Variants in KRT38 observed in about 807,000 individuals in gnomAD.
KRT38 encodes keratin, type I cuticular Ha8.
KRT38 carries 45 observed loss-of-function variants against 43.1 expected under a neutral mutation model. The observed-to-expected ratio is 1.04, with a 90% confidence interval of 0.82 to 1.34. The LOEUF is 1.34. Among genes scored for constraint, KRT38 ranks in the 40% most tolerant of loss-of-function variants. KRT38 has a pLI of 0.00. For missense variants in KRT38, 627 were observed against 586.2 expected (o/e 1.07, Z -0.72); for synonymous variants, 258 against 244.0 (o/e 1.06, Z -0.53).
rs541782513 is a variant in KRT38, at chr17:41,440,494, T to C, written c.428A>G (p.His143Arg). Residue 143 changes from histidine (H) to arginine (R), a missense_variant, in exon 1 of 7, where the codon CAC becomes CGC. Coordinates refer to ENST00000246646, the MANE Select transcript of KRT38 (RefSeq NM_006771.4). ...EATLLERSKC[H>R]ESTVCPDYQS... ...GTAGTCGGGGCACACGGTGGACTCG[T>C]GGCACTTGCTCCTCTCGAGGAGTGT... 4.5e-5 allele frequency: 73 copies of C among 1,614,224 alleles called. No homozygotes were observed. In the East Asian group the frequency reaches 6.9e-4, roughly 15 times the overall value.
Position 41,437,210 on chromosome 17 carries a change from A to T in KRT38, c.*202T>A, listed in dbSNP as rs73309237. The T allele has an allele frequency of 0.036, 16,744 of 463,636 alleles. 538 individuals carry two copies. The highest frequency in any genetic ancestry group is 0.12 in the African/African-American group (5,875 of 49,798). 28.7% of individuals were successfully genotyped at this position (463,636 alleles called of 1,614,324 possible). A position where few individuals can be genotyped will look rare whatever the true frequency, so the allele number is the denominator to read the frequency against. ...CACCATGGGTGGCTGCAATCCAGCC[A>T]CTGAGGGCATAGAGCTCACCTGGGA... On this transcript the variant is annotated 3_prime_UTR_variant, in exon 7 of 7. Transcript: ENST00000246646.
In KRT38 at chr17:41,438,139, T is replaced by A. The variant is rs367765612; in HGVS notation, c.1195A>T (p.Asn399Tyr). The change falls in exon 6 of 7, where the codon AAT becomes TAT. Residue 399 changes from asparagine (N) to tyrosine (Y), a missense_variant. Physicochemically the swap from Asn to Tyr is moderately radical, Grantham distance 143. Coordinates refer to ENST00000246646, the MANE Select transcript of KRT38 (RefSeq NM_006771.4). The stretch of plus-strand genomic sequence containing the variant: ...AGGTTCCGGTACGTGGCAATCTCAT[T>A]CTCCAGCCGGGTCTTCACGTCCAGC... ...VLLDVKTRLE[N>Y]EIATYRNLLE... 3.1e-6 allele frequency: 5 copies of A among 1,613,992 alleles called. No homozygotes were observed. In the African/African-American group the frequency reaches 4.0e-5, roughly 13 times the overall value.
chr17:41,440,684 G>A lies in KRT38; in HGVS notation c.238C>T (p.Pro80Ser), dbSNP rs1302844114. 1 of 1,614,220 alleles carries A rather than the reference G, an allele frequency of 6.2e-7. No individual in the cohort carries two copies. Among genetic ancestry groups the A allele is most frequent in the Admixed American group, 1.7e-5 (1 of 60,024 alleles). ...PPTCHTACPL[P>S]GTCHIPGNIG... ...TTGCCAGGAATGTGGCAGGTCCCTGGCAAGGGACAAGCAGTGTGGCAGGTA... is the reference window on the plus strand; with the variant it reads ...TTGCCAGGAATGTGGCAGGTCCCTGACAAGGGACAAGCAGTGTGGCAGGTA... The change falls in exon 1 of 7, where the codon CCA becomes TCA. Residue 80 changes from proline (P) to serine (S), a missense_variant. Pro to Ser is a moderately conservative substitution (Grantham distance 74). Coordinates refer to ENST00000246646, the MANE Select transcript of KRT38 (RefSeq NM_006771.4).
Position 41,440,164 on chromosome 17 carries a change from A to T in KRT38, c.572T>A (p.Ile191Asn). The T allele has an allele frequency of 6.2e-7, 1 of 1,613,940 alleles. No homozygotes were observed. ...GGCCCTCCTCCGCCTGACTTACTTG[A>T]TCCTAAAGTCATCGGCAGCCAGCTT... ...NAKLAADDFR[I>N]KLESERSLRQ... Residue 191 changes from isoleucine to asparagine, a missense_variant, in exon 2 of 7, where the codon ATC becomes AAC. Physicochemically the swap from Ile to Asn is moderately radical, Grantham distance 149. Coordinates refer to ENST00000246646, the MANE Select transcript of KRT38 (RefSeq NM_006771.4).
rs368251918 is a variant in KRT38 at position 41,438,170 on chromosome 17, C to G, written c.1164G>C (p.Gln388His). The G allele has an allele frequency of 6.2e-7, 1 of 1,614,080 alleles. No homozygotes were observed. Among genetic ancestry groups the G allele is most frequent in the African/African-American group, 1.3e-5 (1 of 74,926 alleles). Residue 388 changes from glutamine (Q) to histidine (H), a missense_variant, in exon 6 of 7, where the codon CAG (glutamine) becomes CAC (histidine). Gln to His is a conservative substitution (Grantham distance 24, BLOSUM62 0). Transcript: ENST00000246646. ...ADLERQNQEY[Q>H]VLLDVKTRLE... The stretch of plus-strand genomic sequence containing the variant: ...GCCGGGTCTTCACGTCCAGCAGCAC[C>G]TGGTACTCCTGGTTTTGCCGCTCCA...
At chr17:41,440,068 G>T in intron 2 of KRT38, 93 bp downstream of exon 2, 1 of 1,037,940 alleles carries the variant, frequency 9.6e-7, no homozygotes, top group Non-Finnish European at 1.5e-6. Flanking sequence ...TAGCAAGGAA[G>T]AAATGACAAT....
Position 41,437,534 on chromosome 17 carries a change from A to T in KRT38, c.1249T>A (p.Cys417Ser), listed in dbSNP as rs2018740223. Residue 417 changes from cysteine (C) to serine (S), a missense_variant, in exon 7 of 7, where the codon TGC becomes AGC. Cys to Ser is a moderately radical substitution (Grantham distance 112). Coordinates refer to ENST00000246646, the MANE Select transcript of KRT38 (RefSeq NM_006771.4). ...LLESEDCKLP[C>S]NPCSTSPSCV... ...GAGGGAGACGTGGAGCACGGATTGC[A>T]GGGGAGTCTGCAGAGAGACAAGGTG... 8.3e-6 allele frequency: 13 copies of T among 1,564,774 alleles called. No homozygotes were observed. The South Asian group carries it at 1.4e-4, about 17-fold the overall frequency.
chr17:41,439,369 C>T lies in KRT38; in HGVS notation c.576-10G>A. 3.1e-6 allele frequency: 5 copies of T among 1,613,048 alleles called. No homozygotes were observed. Among genetic ancestry groups the T allele is most frequent in the African/African-American group, 2.7e-5 (2 of 75,040 alleles). ...GCGCTCACTCTCCAGCCTTTCATCA[C>T]AGGAGGTACAGGGTCAAAAAGAATG... On this transcript the variant is annotated splice_polypyrimidine_tract_variant and intron_variant, in intron 2 of 6. Transcript: ENST00000246646.
chr17:41,436,668 T>C lies in KRT38; in HGVS notation c.*744A>G, dbSNP rs1159599784. On this transcript the variant is annotated 3_prime_UTR_variant, in exon 7 of 7. Transcript: ENST00000246646. ...GAGAATTAGACAGGGACAGGGGTTA[T>C]AGCCAGACAAGTCTGGAGAGTCAGA... The C allele has an allele frequency of 6.6e-6, 1 of 152,198 alleles. No individual in the cohort carries two copies. The highest frequency in any genetic ancestry group is 1.5e-5 in the Non-Finnish European group (1 of 68,034). The allele number at this position is 152,198 out of a possible 1,614,324, so 9.4% of individuals were successfully genotyped here.
Position 41,440,489 on chromosome 17 carries a change from ACT to A in KRT38, c.431_432del (p.Glu144ValfsTer36). 1.9e-6 allele frequency: 3 copies of A among 1,614,024 alleles called. No individual in the cohort carries two copies. The highest frequency in any genetic ancestry group is 2.5e-6 in the Non-Finnish European group (3 of 1,180,008). On this transcript the variant is annotated frameshift_variant, in exon 1 of 7. Coordinates refer to ENST00000246646, the MANE Select transcript of KRT38 (RefSeq NM_006771.4). LOFTEE classifies it high-confidence loss of function. ...ATLLERSKCH[E>X]STVCPDYQSY... Reference sequence around the variant, plus strand: ...GACTGGTAGTCGGGGCACACGGTGGACTCGTGGCACTTGCTCCTCTCGAGGAG... The same window carrying A: ...GACTGGTAGTCGGGGCACACGGTGGACGTGGCACTTGCTCCTCTCGAGGAG...
Position 41,440,496 on chromosome 17 carries a change from G to C in KRT38, c.426C>G (p.Cys142Trp). The change falls in exon 1 of 7, where the codon TGC (cysteine) becomes TGG (tryptophan). Residue 142 changes from cysteine to tryptophan, a missense_variant. Coordinates refer to ENST00000246646, the MANE Select transcript of KRT38 (RefSeq NM_006771.4). ...LEATLLERSK[C>W]HESTVCPDYQ... Reference sequence around the variant, plus strand: ...AGTCGGGGCACACGGTGGACTCGTGGCACTTGCTCCTCTCGAGGAGTGTGG... The same window carrying C: ...AGTCGGGGCACACGGTGGACTCGTGCCACTTGCTCCTCTCGAGGAGTGTGG... 5 of 1,614,224 alleles carry C rather than the reference G, an allele frequency of 3.1e-6. No homozygotes were observed. Among genetic ancestry groups the C allele is most frequent in the Non-Finnish European group, 3.4e-6 (4 of 1,180,048 alleles).
rs1307746607 is a variant in KRT38, at chr17:41,440,696, C to A, written c.226G>T (p.Ala76Ser). The change falls in exon 1 of 7, where the codon GCT (alanine) becomes TCT (serine). Residue 76 changes from alanine (A) to serine (S), a missense_variant. Coordinates refer to ENST00000246646, the MANE Select transcript of KRT38 (RefSeq NM_006771.4). ...SLCLPPTCHT[A>S]CPLPGTCHIP... ...TGGCAGGTCCCTGGCAAGGGACAAG[C>A]AGTGTGGCAGGTAGGCGGCAGACAG... 3.1e-6 allele frequency: 5 copies of A among 1,614,086 alleles called. No homozygotes were observed. In the Admixed American group the frequency reaches 6.7e-5, roughly 22 times the overall value.
rs1044793911 is a variant in KRT38 at position 41,440,552 on chromosome 17, G to A, written c.370C>T (p.Gln124Ter). The change falls in exon 1 of 7, where the codon CAG becomes TAG. Residue 124 changes from glutamine to a stop codon, truncating the protein, a stop_gained. Transcript: ENST00000246646. LOFTEE classifies it high-confidence loss of function. Reference sequence around the variant, plus strand: ...AGCTCCGCATTCTCCTGCTCCAGCTGGCGCACCTTCTCCAGGTAGTTGGCC... The same window carrying A: ...AGCTCCGCATTCTCCTGCTCCAGCTAGCGCACCTTCTCCAGGTAGTTGGCC... ...RLANYLEKVR[Q>*]LEQENAELEA... 2 of 1,614,186 alleles carry A rather than the reference G, an allele frequency of 1.2e-6. No individual in the cohort carries two copies. The highest frequency in any genetic ancestry group is 1.7e-6 in the Non-Finnish European group (2 of 1,180,040).
rs1259448682 is a variant in KRT38 at position 41,440,647 on chromosome 17, C to G, written c.275G>C (p.Cys92Ser). 3.1e-6 allele frequency: 5 copies of G among 1,614,202 alleles called. No homozygotes were observed. The highest frequency in any genetic ancestry group is 8.5e-7 in the Non-Finnish European group (1 of 1,180,046). ...TCHIPGNIGI[C>S]GAYGENTLNG... ...CAGGGTGTTTTCACCATAGGCCCCACAGATTCCAATGTTGCCAGGAATGTG... is the reference window on the plus strand; with the variant it reads ...CAGGGTGTTTTCACCATAGGCCCCAGAGATTCCAATGTTGCCAGGAATGTG... Residue 92 changes from cysteine (C) to serine (S), a missense_variant, in exon 1 of 7, where the codon TGT (cysteine) becomes TCT (serine). Transcript: ENST00000246646.
chr17:41,438,925 C>G, intron 3 of KRT38, 67 bp from the exon 4 acceptor site: 1 of 1,561,804 alleles, frequency 6.4e-7, no homozygotes, highest in Non-Finnish European at 8.7e-7. Flanking sequence ...CAGACAGCAC[C>G]AGGACCCCGC....
Position 41,438,520 on chromosome 17 carries a change from C to T in KRT38, c.991G>A (p.Glu331Lys). Residue 331 changes from glutamate to lysine, a missense_variant, in exon 5 of 7, where the codon GAG becomes AAG. Coordinates refer to ENST00000246646, the MANE Select transcript of KRT38 (RefSeq NM_006771.4). ...LELRCTVNALEVERQAQHTLK... is the reference protein window; with the variant it reads ...LELRCTVNALKVERQAQHTLK... ...GTGTGCTGGGCTTGGCGCTCCACCT[C>T]CAGGGCATTCACCGTGCATCTCAGC... 6.2e-7 allele frequency: 1 copy of T among 1,614,158 alleles called. No homozygotes were observed. The highest frequency in any genetic ancestry group is 1.3e-5 in the African/African-American group (1 of 75,046).
rs2018779311 is a variant in KRT38 at position 41,440,211 on chromosome 17, C to G, written c.525G>C (p.Leu175=). ...GCTTGGCATTGTCAATTTGTACAAT[C>G]AGCCTGGCATTCTCGGCCTTGCTGC... ...ILCSKAENAR[L]IVQIDNAKLA... is the part of the protein sequence containing the mutation. The change falls in exon 2 of 7, where the codon CTG becomes CTC. Residue 175 remains leucine, a synonymous_variant. Transcript: ENST00000246646. 6.2e-7 allele frequency: 1 copy of G among 1,614,056 alleles called. No individual in the cohort carries two copies. Among genetic ancestry groups the G allele is most frequent in the Admixed American group, 1.7e-5 (1 of 60,008 alleles).
Position 41,436,510 on chromosome 17 carries a change from G to C in KRT38, c.*902C>G, listed in dbSNP as rs2018727968. ...AGTGTGGCTGAATCATGGTAAGGAA[G>C]GTAGAGAGTATGAAGAGAAGAGGTG... On this transcript the variant is annotated 3_prime_UTR_variant, in exon 7 of 7. Transcript: ENST00000246646. 6.6e-6 allele frequency: 1 copy of C among 152,172 alleles called. No individual in the cohort carries two copies. Among genetic ancestry groups the C allele is most frequent in the African/African-American group, 2.4e-5 (1 of 41,418 alleles). The allele number at this position is 152,172 out of a possible 1,614,324, so 9.4% of individuals were successfully genotyped here.
rs1403730511 is a variant in KRT38, at chr17:41,440,837, C to T, written c.85G>A (p.Asp29Asn). ...GARNVSVSPIDIGCQPGAEAN... is the reference protein window; with the variant it reads ...GARNVSVSPINIGCQPGAEAN... ...TCTGCCCCAGGCTGGCACCCAATGT[C>T]GATGGGAGAGACAGAGACATTTCTT... Residue 29 changes from aspartate to asparagine, a missense_variant, in exon 1 of 7, where the codon GAC becomes AAC. Physicochemically the swap from Asp to Asn is conservative, Grantham distance 23. Transcript: ENST00000246646. 9 of 1,601,690 alleles carry T rather than the reference C, an allele frequency of 5.6e-6. No homozygotes were observed. Among genetic ancestry groups the T allele is most frequent in the Non-Finnish European group, 7.7e-6 (9 of 1,174,054 alleles).
Sources: allele counts gnomAD v4.1 joint callset, GRCh38; gene constraint gnomAD v4.1.1; transcripts MANE v1.5; gene names NCBI Gene and HGNC (gene_info 2026-07-23, HGNC 2026-07-21).